ZBTB7C: variants seen among roughly 807,000 people sequenced by gnomAD.
ZBTB7C encodes zinc finger and BTB domain containing 7C, also known as zinc finger and BTB domain-containing protein 7C.
A neutral mutation model predicts 25.7 loss-of-function variants in ZBTB7C; 8 were observed. That is an observed-to-expected ratio of 0.31 (90% CI 0.18 to 0.56). The LOEUF (loss-of-function observed/expected upper bound fraction) is 0.56. Among genes scored for constraint, ZBTB7C ranks in the 20% least tolerant of loss-of-function variants. The pLI is 0.91. For missense variants in ZBTB7C, 824 were observed against 855.2 expected (o/e 0.96, Z 0.46); for synonymous variants, 394 against 369.0 (o/e 1.07, Z -0.78).
chr18:48,244,797 TGATGTG>T (rs1219444428), intron 2 of ZBTB7C, among the ~76,000 whole-genome samples: 2 of 152,088 alleles, frequency 1.3e-5, no homozygotes, highest in Non-Finnish European at 2.9e-5. Flanking sequence ...TAATAGATGT[TGATGTG>T]GATGTGGTGA....
chr18:48,395,031 T>A (rs1694117554), intron 1 of ZBTB7C, among the ~76,000 whole-genome samples: 1 of 152,118 alleles, frequency 6.6e-6, no homozygotes, highest in African/African-American at 2.4e-5. Flanking sequence ...GTGCTGTGTG[T>A]GTGTGAAGGA....
At chr18:48,371,049 G>A (rs1421196235) in intron 1 of ZBTB7C, among the ~76,000 whole-genome samples, 1 of 152,216 alleles carries the variant, frequency 6.6e-6, no homozygotes, top group Non-Finnish European at 1.5e-5. Context: ...AAAAGGGTAG[G>A]TGTGTGATAC....
intron 4 of ZBTB7C, among the ~76,000 whole-genome samples, chr18:48,032,019 C>T (rs940362026): frequency 6.6e-6 from 1 of 152,236 alleles, no homozygotes; most frequent in African/African-American, 2.4e-5. Flanking sequence ...CCTCACCAGG[C>T]CTGGCAGAGG....
intron 2 of ZBTB7C, among the ~76,000 whole-genome samples, chr18:48,208,134 G>C (rs937034919): frequency 6.6e-6 from 1 of 152,118 alleles, no homozygotes; most frequent in Non-Finnish European, 1.5e-5. Context: ...AGCTGGCCTT[G>C]GTGGCCTTTC....
intron 2 of ZBTB7C, among the ~76,000 whole-genome samples, chr18:48,316,956 C>T (rs770874051): frequency 2.6e-5 from 4 of 152,178 alleles, no homozygotes; most frequent in African/African-American, 7.2e-5. Context: ...AAATAATTCA[C>T]GCGAACTTGT....
chr18:48,103,183 G>C (rs976947410), intron 3 of ZBTB7C, among the ~76,000 whole-genome samples: 3 of 148,478 alleles, frequency 2.0e-5, no homozygotes, highest in Admixed American at 6.8e-5. Flanking sequence ...TGGGGTGCTA[G>C]GGGGTCACAG....
At chr18:48,098,113 A>G (rs560880690) in intron 3 of ZBTB7C, among the ~76,000 whole-genome samples, 1 of 152,198 alleles carries the variant, frequency 6.6e-6, no homozygotes, top group Non-Finnish European at 1.5e-5. Flanking sequence ...AACATTTGTG[A>G]TGGGTGAGAG....
intron 3 of ZBTB7C, among the ~76,000 whole-genome samples, chr18:48,172,808 G>A (rs1415232464): frequency 1.3e-5 from 2 of 152,178 alleles, no homozygotes; most frequent in African/African-American, 2.4e-5. Context: ...TCTGCTTCTC[G>A]CTTTTTCTGT....
intron 3 of ZBTB7C, among the ~76,000 whole-genome samples, chr18:48,095,447 C>T (rs937244090): frequency 6.6e-6 from 1 of 152,202 alleles, no homozygotes; most frequent in African/African-American, 2.4e-5. Flanking sequence ...TCATGCCACC[C>T]ATGTAACTAA....
At chr18:48,264,430 T>G (rs2044254793) in intron 2 of ZBTB7C, among the ~76,000 whole-genome samples, 2 of 152,168 alleles carry the variant, frequency 1.3e-5, no homozygotes, top group African/African-American at 4.8e-5. Flanking sequence ...CAGCTAGGCT[T>G]GCCTGCCTAC....
At chr18:48,052,758 C>T (rs995589011) in intron 3 of ZBTB7C, among the ~76,000 whole-genome samples, 2 of 152,170 alleles carry the variant, frequency 1.3e-5, no homozygotes, top group African/African-American at 2.4e-5. Flanking sequence ...TTGAAGCGGC[C>T]GGGTCCCTGT....
At chr18:48,095,176 G>C (rs2038572437) in intron 3 of ZBTB7C, among the ~76,000 whole-genome samples, 1 of 152,134 alleles carries the variant, frequency 6.6e-6, no homozygotes, top group Non-Finnish European at 1.5e-5. Context: ...CACATTCCTA[G>C]GTCTGGAGAA....
intron 3 of ZBTB7C, among the ~76,000 whole-genome samples, chr18:48,090,197 C>T (rs9956464): frequency 0.014 from 2,166 of 152,310 alleles, 45 homozygotes; most frequent in African/African-American, 0.048. Context: ...AAGGTGAGAG[C>T]GTAGCAGGTG....
At chr18:48,242,929 T>C (rs923815265) in intron 2 of ZBTB7C, among the ~76,000 whole-genome samples, 10 of 152,128 alleles carry the variant, frequency 6.6e-5, no homozygotes, top group Non-Finnish European at 1.0e-4. Flanking sequence ...ACTGCTGGTA[T>C]GATCCTATAA....
intron 1 of ZBTB7C, among the ~76,000 whole-genome samples, chr18:48,399,547 C>T (rs542108518): frequency 6.6e-6 from 1 of 152,268 alleles, no homozygotes; most frequent in African/African-American, 2.4e-5. Flanking sequence ...TGGCGGGTGG[C>T]AGCTGGCTCT....
At chr18:48,228,318 G>A (rs1599144986) in intron 2 of ZBTB7C, among the ~76,000 whole-genome samples, 1 of 152,312 alleles carries the variant, frequency 6.6e-6, no homozygotes, top group South Asian at 2.1e-4. Flanking sequence ...TCTGACCACA[G>A]ATGATTTTGT....
At chr18:48,311,418 C>T (rs116855658) in intron 2 of ZBTB7C, among the ~76,000 whole-genome samples, 141 of 152,280 alleles carry the variant, frequency 9.3e-4, no homozygotes, top group East Asian at 3.9e-4. Context: ...TAGTCACTCT[C>T]AATTATGGGC....
intron 3 of ZBTB7C, among the ~76,000 whole-genome samples, chr18:48,175,565 C>T (rs944121942): frequency 1.3e-5 from 2 of 152,064 alleles, no homozygotes; most frequent in African/African-American, 2.4e-5. Context: ...CATGTATTTC[C>T]TAGTGTTTTG....
chr18:48,359,101 G>A (rs571316536), intron 1 of ZBTB7C, among the ~76,000 whole-genome samples: 47 of 152,248 alleles, frequency 3.1e-4, no homozygotes, highest in African/African-American at 1.1e-3. Flanking sequence ...CTTACTGCCC[G>A]GAGTACATCC....
Sources: allele counts gnomAD v4.1 joint callset (sites outside exome capture counted in the v4.1 genomes callset), GRCh38; gene constraint gnomAD v4.1.1; transcripts MANE v1.5; gene names NCBI Gene and HGNC (gene_info 2026-07-23, HGNC 2026-07-21).